Variants in IMMP2L observed in about 807,000 individuals in gnomAD.
IMMP2L encodes mitochondrial inner membrane protease subunit 2.
In IMMP2L, 18 loss-of-function variants were observed where a neutral mutation model predicts 19.3. The ratio of observed to expected loss-of-function variants is 0.93; its 90% CI spans 0.64 to 1.38. The LOEUF (loss-of-function observed/expected upper bound fraction) is 1.38, where lower values mean the gene tolerates loss of function less well. Among genes scored for constraint, IMMP2L ranks in the 40% most tolerant of loss-of-function variants. The pLI is 0.00. For synonymous variants in IMMP2L, 76 were observed against 73.0 expected, an observed-to-expected ratio of 1.04 and a Z score of -0.21; for missense variants, 233 against 218.2, an observed-to-expected ratio of 1.07 and a Z score of -0.43.
At chr7:111,507,805 G>A (rs924126771) in intron 2 of IMMP2L, among the ~76,000 whole-genome samples, 4 of 152,142 alleles carry the variant, frequency 2.6e-5, no homozygotes, top group Admixed American at 2.6e-4. Context: ...AGTTCAAGAT[G>A]GCTTCATTGA....
chr7:111,368,358 ACT>A (rs2131071744), intron 3 of IMMP2L, among the ~76,000 whole-genome samples: 1 of 151,778 alleles, frequency 6.6e-6, no homozygotes, highest in Non-Finnish European at 1.5e-5. Flanking sequence ...CTTCCAGAAA[ACT>A]CTCTGCTCAG....
intron 2 of IMMP2L, among the ~76,000 whole-genome samples, chr7:111,513,358 C>T (rs1845617093): frequency 6.6e-6 from 1 of 152,004 alleles, no homozygotes; most frequent in South Asian, 2.1e-4. Flanking sequence ...AAAAAATATT[C>T]AATATCACTA....
At chr7:110,737,828 A>G (rs2130852243) in intron 5 of IMMP2L, among the ~76,000 whole-genome samples, 1 of 152,296 alleles carries the variant, frequency 6.6e-6, no homozygotes, top group East Asian at 1.9e-4. Flanking sequence ...TAACTCCCCG[A>G]GAGCAGGTGC....
chr7:110,886,961 T>C lies in IMMP2L; in HGVS notation c.306-266A>G, dbSNP rs536932612. ...CTAAATATAATGTGTTGTTATTTAA[T>C]AGAATTCACAGTATTCTAAATATGT... On this transcript the variant is annotated intron_variant, in intron 4 of 5. Coordinates refer to ENST00000405709, the MANE Select transcript of IMMP2L (RefSeq NM_032549.4). Among the ~76,000 whole-genome samples the C allele has an allele frequency of 7.9e-5, 12 of 152,300 alleles. No individual in the cohort carries two copies. In the South Asian group the frequency reaches 2.3e-3, roughly 29 times the overall value.
chr7:111,073,021 G>T (rs538911742), intron 3 of IMMP2L, among the ~76,000 whole-genome samples: 5 of 152,226 alleles, frequency 3.3e-5, no homozygotes, highest in African/African-American at 9.6e-5. Context: ...GGAATAACTG[G>T]TGAAATTTGA....
intron 3 of IMMP2L, among the ~76,000 whole-genome samples, chr7:111,471,088 T>A (rs990044821): frequency 6.6e-6 from 1 of 151,952 alleles, no homozygotes; most frequent in African/African-American, 2.4e-5. Flanking sequence ...ATGAGAAGAT[T>A]TGAGAATTTT....
intron 3 of IMMP2L, among the ~76,000 whole-genome samples, chr7:111,069,777 C>A (rs1450582080): frequency 6.6e-6 from 1 of 152,104 alleles, no homozygotes; most frequent in Non-Finnish European, 1.5e-5. Context: ...GGTAGAATGA[C>A]AGCTACACAA....
At chr7:111,044,096 AC>A (rs1206657411) in intron 3 of IMMP2L, among the ~76,000 whole-genome samples, 1 of 152,220 alleles carries the variant, frequency 6.6e-6, no homozygotes, top group Non-Finnish European at 1.5e-5. Flanking sequence ...AGTACAGTGA[AC>A]TTAACTGTTC....
chr7:111,373,403 TG>T (rs1367209252), intron 3 of IMMP2L, among the ~76,000 whole-genome samples: 1 of 151,976 alleles, frequency 6.6e-6, no homozygotes, highest in Non-Finnish European at 1.5e-5. Flanking sequence ...GTAAATACAT[TG>T]AAATTGAGAA....
At chr7:111,381,061 A>C (rs1256930719) in intron 3 of IMMP2L, among the ~76,000 whole-genome samples, 1 of 151,986 alleles carries the variant, frequency 6.6e-6, no homozygotes, top group Non-Finnish European at 1.5e-5. Flanking sequence ...AGATGCCTGC[A>C]TTTCCATCAA....
At chr7:111,365,218 T>A (rs1829658239) in intron 3 of IMMP2L, among the ~76,000 whole-genome samples, 3 of 152,114 alleles carry the variant, frequency 2.0e-5, no homozygotes, top group African/African-American at 7.2e-5. Flanking sequence ...TAGTTTCCTG[T>A]ACTTCACGAA....
chr7:110,915,564 A>G (rs1235344929), intron 4 of IMMP2L, among the ~76,000 whole-genome samples: 6 of 152,186 alleles, frequency 3.9e-5, no homozygotes. Context: ...ACAGTTAATA[A>G]TACTTGTATT....
chr7:111,006,515 C>T (rs2129562200), intron 3 of IMMP2L, among the ~76,000 whole-genome samples: 1 of 152,268 alleles, frequency 6.6e-6, no homozygotes, highest in East Asian at 1.9e-4. Context: ...ACTCATGAGG[C>T]ATCTATTAAG....
intron 3 of IMMP2L, among the ~76,000 whole-genome samples, chr7:111,130,402 T>G (rs558220171): frequency 2.0e-5 from 3 of 152,258 alleles, no homozygotes; most frequent in South Asian, 2.1e-4. Flanking sequence ...CACAGTACTT[T>G]GTGTGTTTAT....
At chr7:110,816,489 G>T (rs1306952466) in intron 5 of IMMP2L, among the ~76,000 whole-genome samples, 1 of 151,684 alleles carries the variant, frequency 6.6e-6, no homozygotes, top group East Asian at 1.9e-4. Context: ...GGTCTGCTTG[G>T]TGCAGAGCTG....
intron 5 of IMMP2L, among the ~76,000 whole-genome samples, chr7:110,763,337 T>G (rs1050898162): frequency 3.3e-5 from 5 of 152,174 alleles, no homozygotes; most frequent in Non-Finnish European, 7.3e-5. Context: ...CGACACACTT[T>G]CCGGCATATA....
intron 3 of IMMP2L, among the ~76,000 whole-genome samples, chr7:111,044,916 A>G (rs1365862015): frequency 2.0e-5 from 3 of 152,210 alleles, no homozygotes; most frequent in Admixed American, 6.5e-5. Flanking sequence ...ATTTATTTAT[A>G]CACTGCCTGG....
At chr7:111,159,657 T>G (rs1442814192) in intron 3 of IMMP2L, among the ~76,000 whole-genome samples, 1 of 152,114 alleles carries the variant, frequency 6.6e-6, no homozygotes, top group Non-Finnish European at 1.5e-5. Context: ...TTTACCAATT[T>G]GTCATGAAGG....
intron 3 of IMMP2L, among the ~76,000 whole-genome samples, chr7:111,404,136 G>C (rs924922621): frequency 6.6e-6 from 1 of 152,058 alleles, no homozygotes; most frequent in Non-Finnish European, 1.5e-5. Flanking sequence ...AGAAATTCAT[G>C]CTAGTCAATC....
Sources: gnomAD v4.1 joint callset for allele counts (sites outside exome capture counted in the v4.1 genomes callset) on GRCh38, gnomAD v4.1.1 for gene constraint, MANE v1.5 for transcripts, NCBI Gene and HGNC (gene_info 2026-07-23, HGNC 2026-07-21) for gene names.